Variants in MPHOSPH9 observed in about 807,000 individuals in gnomAD.
MPHOSPH9 encodes the protein M-phase phosphoprotein 9.
Under a neutral mutation model 145.5 loss-of-function variants are expected in MPHOSPH9, and 88 were observed. The observed-to-expected ratio is 0.60, with a 90% confidence interval of 0.51 to 0.72. MPHOSPH9 has a LOEUF of 0.72. Ranked by LOEUF, MPHOSPH9 falls within the 30% of genes least tolerant of loss-of-function variation. The pLI, the probability that MPHOSPH9 is intolerant of heterozygous loss-of-function variation, is 0.00. For synonymous variants in MPHOSPH9, 435 were observed against 486.2 expected, an observed-to-expected ratio of 0.89 and a Z score of 1.39; for missense variants, 1,238 against 1,386.6, an observed-to-expected ratio of 0.89 and a Z score of 1.70.
intron 13 of MPHOSPH9, among the ~76,000 whole-genome samples, chr12:123,188,968 CA>C (rs143475261): frequency 0.02 from 3,049 of 152,250 alleles, 38 homozygotes; most frequent in Non-Finnish European, 0.032. Flanking sequence ...CCCAGAACTT[CA>C]AGGCTCCAGT....
intron 7 of MPHOSPH9, among the ~76,000 whole-genome samples, chr12:123,212,766 C>CTTTTTTTTTTT (rs769159602): frequency 1.8e-4 from 17 of 93,880 alleles, no homozygotes; most frequent in Non-Finnish European, 3.1e-4. Context: ...CAATGGTCGA[C>CTTTTTTTTTTT]TTTTTTTTTT....
chr12:123,192,917 A>G (rs923085258), intron 13 of MPHOSPH9, among the ~76,000 whole-genome samples: 9 of 151,348 alleles, frequency 5.9e-5, no homozygotes, highest in Admixed American at 4.0e-4. Flanking sequence ...ATCTCTACTA[A>G]AAATACAAAA....
chr12:123,213,763 T>C (rs1463985502), intron 7 of MPHOSPH9, among the ~76,000 whole-genome samples: 1 of 152,172 alleles, frequency 6.6e-6, no homozygotes, highest in East Asian at 1.9e-4. Flanking sequence ...TGTTAGGCAC[T>C]GTGGGCCCCT....
chr12:123,223,809 C>A (rs1261734383), intron 3 of MPHOSPH9, among the ~76,000 whole-genome samples: 2 of 152,164 alleles, frequency 1.3e-5, no homozygotes, highest in African/African-American at 4.8e-5. Flanking sequence ...CCCACTCTAA[C>A]TCCAAGCTCT....
intron 16 of MPHOSPH9, among the ~76,000 whole-genome samples, chr12:123,174,992 C>T (rs1011465779): frequency 6.6e-6 from 1 of 152,094 alleles, no homozygotes; most frequent in Non-Finnish European, 1.5e-5. Flanking sequence ...CTAGCTAACA[C>T]CACCTCTCTC....
intron 11 of MPHOSPH9, among the ~76,000 whole-genome samples, chr12:123,201,468 C>A (rs2046217736): frequency 6.6e-6 from 1 of 152,128 alleles, no homozygotes; most frequent in South Asian, 2.1e-4. Flanking sequence ...CAGCCTCGAC[C>A]TCCTGAGCTC....
intron 6 of MPHOSPH9, among the ~76,000 whole-genome samples, chr12:123,217,087 T>G (rs1441647855): frequency 6.6e-6 from 1 of 152,136 alleles, no homozygotes; most frequent in Non-Finnish European, 1.5e-5. Flanking sequence ...AAAACCTTAC[T>G]CAATATCTAT....
At chr12:123,206,508 AGAG>A (rs1398795123) in intron 8 of MPHOSPH9, among the ~76,000 whole-genome samples, 1 of 105,246 alleles carries the variant, frequency 9.5e-6, no homozygotes, top group Non-Finnish European at 2.4e-5. Flanking sequence ...AGAGGAGAGG[AGAG>A]GAGAAGAGAA....
At chr12:123,192,157 G>A (rs1398116937) in intron 13 of MPHOSPH9, among the ~76,000 whole-genome samples, 1 of 152,114 alleles carries the variant, frequency 6.6e-6, no homozygotes. Context: ...AGCTTAATGA[G>A]AAAAAGGCTG....
chr12:123,217,969 C>T lies in MPHOSPH9; in HGVS notation c.996+407G>A, dbSNP rs544727064. On this transcript the variant is annotated intron_variant, in intron 6 of 23. Transcript: ENST00000606320. The stretch of plus-strand genomic sequence containing the variant: ...CTGAGGCAGGAGAATGGCGTGAACC[C>T]GGGAGGCGGAGCTTGCAGTGAGCCA... Among the ~76,000 whole-genome samples, 133 of 150,616 alleles carry T rather than the reference C, an allele frequency of 8.8e-4. 2 individuals are homozygous for T. The highest frequency in any genetic ancestry group is 3.0e-3 in the African/African-American group (124 of 41,068).
At chr12:123,152,785 G>T (rs528003791), downstream of MPHOSPH9, 1 of 319,702 alleles carries the variant, frequency 3.1e-6, no homozygotes, top group Non-Finnish European at 6.3e-6. Context: ...AATCAAACCT[G>T]CAACTGTCAA....
intron 1 of MPHOSPH9, among the ~76,000 whole-genome samples, chr12:123,239,762 ATTTT>A (rs1175821697): frequency 6.6e-5 from 10 of 151,996 alleles, no homozygotes; most frequent in Non-Finnish European, 1.5e-4. Flanking sequence ...CAGAGGTGAC[ATTTT>A]TTATTTTTTT....
At chr12:123,209,735 TTG>T (rs1491280908) in intron 8 of MPHOSPH9, among the ~76,000 whole-genome samples, 59 of 104,112 alleles carry the variant, frequency 5.7e-4, no homozygotes, top group Non-Finnish European at 7.8e-4. Context: ...TTTTGTTTTG[TTG>T]TTTTTTTTTT....
chr12:123,163,262 A>G, intron 19 of MPHOSPH9, 128 bp from the exon 20 acceptor site: 3 of 1,017,658 alleles, frequency 2.9e-6, no homozygotes, highest in South Asian at 1.9e-5. Context: ...TGAGAGAGAA[A>G]TAAGAGTGTA....
intron 8 of MPHOSPH9, 32 bp downstream of exon 8, chr12:123,210,024 C>G: frequency 6.5e-7 from 1 of 1,529,028 alleles, no homozygotes; most frequent in Non-Finnish European, 9.0e-7. Flanking sequence ...GCGTAAGCCA[C>G]CGCGCCCGGC....
At chr12:123,184,928 C>G (rs1013173419) in intron 13 of MPHOSPH9, among the ~76,000 whole-genome samples, 2 of 152,014 alleles carry the variant, frequency 1.3e-5, no homozygotes, top group Admixed American at 6.6e-5. Flanking sequence ...TTCTGCCTCC[C>G]GAGTAGCTGG....
intron 16 of MPHOSPH9, among the ~76,000 whole-genome samples, chr12:123,174,992 C>A (rs1011465779): frequency 6.6e-6 from 1 of 152,094 alleles, no homozygotes; most frequent in Non-Finnish European, 1.5e-5. Flanking sequence ...CTAGCTAACA[C>A]CACCTCTCTC....
chr12:123,210,016 G>A (rs763265167), intron 8 of MPHOSPH9, 40 bp downstream of exon 8: 28 of 1,465,624 alleles, frequency 1.9e-5, no homozygotes, highest in East Asian at 9.4e-5. Context: ...GATTACAGGC[G>A]TAAGCCACCG....
chr12:123,241,402 A>G (rs2047935174), intron 1 of MPHOSPH9, among the ~76,000 whole-genome samples: 1 of 152,034 alleles, frequency 6.6e-6, no homozygotes, highest in East Asian at 1.9e-4. Flanking sequence ...CAATGGCGTG[A>G]TCTCGGCTCA....
Sources: gnomAD v4.1 joint callset for allele counts (sites outside exome capture counted in the v4.1 genomes callset) on GRCh38, gnomAD v4.1.1 for gene constraint, MANE v1.5 for transcripts, NCBI Gene and HGNC (gene_info 2026-07-23, HGNC 2026-07-21) for gene names.